FBXW8: variants seen among roughly 807,000 people sequenced by gnomAD.
FBXW8 encodes F-box/WD repeat-containing protein 8.
A neutral mutation model predicts 65.3 loss-of-function variants in FBXW8; 57 were observed. The ratio of observed to expected loss-of-function variants is 0.87; its 90% CI spans 0.71 to 1.09. The LOEUF (loss-of-function observed/expected upper bound fraction) is 1.09. FBXW8 is among the 50% of genes least tolerant of loss of function. The pLI is 0.00. For missense variants in FBXW8, 777 were observed against 814.8 expected, an observed-to-expected ratio of 0.95 and a Z score of 0.57; for synonymous variants, 308 against 330.2, an observed-to-expected ratio of 0.93 and a Z score of 0.73.
chr12:116,974,375 A>AAAAGACT (rs1277875673), intron 5 of FBXW8, among the ~76,000 whole-genome samples: 1 of 152,248 alleles, frequency 6.6e-6, no homozygotes, highest in Non-Finnish European at 1.5e-5. Flanking sequence ...CCCAAGAGTA[A>AAAAGACT]AAAGACCTCG....
Position 117,028,337 on chromosome 12 carries a change from GC to G in FBXW8, c.*166del. On this transcript the variant is annotated 3_prime_UTR_variant, in exon 11 of 11. Coordinates refer to ENST00000652555, the MANE Select transcript of FBXW8 (RefSeq NM_153348.3). The surrounding 1 kb of genome is among the most constrained non-coding windows in gnomAD (Gnocchi z 4.1). ...CTCCCTGACCCCTGCACTTCCCCCA[GC>G]GCCTGGGGCAAGCTGGCGTGTGCCA... 5 of 826,966 alleles carry G rather than the reference GC, an allele frequency of 6.0e-6. No homozygotes were observed. The highest frequency in any genetic ancestry group is 1.8e-5 in the South Asian group (1 of 55,136). 51.2% of individuals were successfully genotyped at this position (826,966 alleles called of 1,614,324 possible).
chr12:117,012,946 A>G (rs938521082), intron 8 of FBXW8, among the ~76,000 whole-genome samples: 2 of 152,028 alleles, frequency 1.3e-5, no homozygotes, highest in African/African-American at 2.4e-5. Context: ...AAGGAGTTTT[A>G]TTTTGGGGGT....
intron 6 of FBXW8, chr12:116,986,733 A>G (rs1885717369): frequency 1.3e-5 from 2 of 152,292 alleles, no homozygotes; most frequent in Non-Finnish European, 2.9e-5. Context: ...TGTAAAGTGC[A>G]AATCCTGCCT....
chr12:116,935,684 G>A (rs1253965935), intron 2 of FBXW8, among the ~76,000 whole-genome samples: 1 of 152,198 alleles, frequency 6.6e-6, no homozygotes, highest in East Asian at 1.9e-4. Context: ...AATGAACATT[G>A]AGCTAAGTGG....
intron 1 of FBXW8, among the ~76,000 whole-genome samples, chr12:116,927,741 C>G (rs1310031504): frequency 3.3e-5 from 5 of 152,148 alleles, no homozygotes; most frequent in Non-Finnish European, 7.4e-5. Context: ...AGATAGCACC[C>G]CTGCTGCTTT....
chr12:116,986,868 A>C (rs778995360), intron 6 of FBXW8: 2 of 152,212 alleles, frequency 1.3e-5, no homozygotes, highest in African/African-American at 2.4e-5. Flanking sequence ...CACGGAGATA[A>C]AGTTAAAGGG....
At chr12:116,973,681 A>G (rs1031835822) in intron 5 of FBXW8, among the ~76,000 whole-genome samples, 5 of 152,214 alleles carry the variant, frequency 3.3e-5, no homozygotes, top group African/African-American at 1.2e-4. Flanking sequence ...CATGAAACTC[A>G]GGGAAGGTCT....
Position 116,911,072 on chromosome 12 carries a change from G to T in FBXW8, c.35G>T (p.Arg12Leu), listed in dbSNP as rs1200370180. 6.9e-7 allele frequency: 1 copy of T among 1,453,528 alleles called. No individual in the cohort carries two copies. Among genetic ancestry groups the T allele is most frequent in the Admixed American group, 2.7e-5 (1 of 36,478 alleles). The allele number at this position is 1,453,528 out of a possible 1,614,324, so 90.0% of individuals were successfully genotyped here. A position where few individuals can be genotyped will look rare whatever the true frequency, so the allele number is the denominator to read the frequency against. Residue 12 changes from arginine (R) to leucine (L), a missense_variant, in exon 1 of 11, where the codon CGC becomes CTC. Arg to Leu is a moderately radical substitution (Grantham distance 102). Coordinates refer to ENST00000652555, the MANE Select transcript of FBXW8 (RefSeq NM_153348.3). ...DDYSLDEFRR[R>L]WQEELAQAQA... is the part of the protein sequence containing the mutation. ...TACAGCCTGGATGAGTTCCGTCGGCGCTGGCAGGAGGAGCTGGCGCAGGCC... is the reference window on the plus strand; with the variant it reads ...TACAGCCTGGATGAGTTCCGTCGGCTCTGGCAGGAGGAGCTGGCGCAGGCC...
At chr12:117,007,016 G>A (rs1468469998) in intron 7 of FBXW8, among the ~76,000 whole-genome samples, 1 of 152,180 alleles carries the variant, frequency 6.6e-6, no homozygotes, top group Non-Finnish European at 1.5e-5. Flanking sequence ...AGGCAGATGT[G>A]CAGAAGAAAA....
chr12:116,983,355 C>CT (rs1885450039), intron 5 of FBXW8, among the ~76,000 whole-genome samples: 1 of 152,152 alleles, frequency 6.6e-6, no homozygotes, highest in Non-Finnish European at 1.5e-5. Flanking sequence ...GCTGTGGAAC[C>CT]TTTTGTGATC....
At chr12:116,911,883 A>C (rs2137276544) in intron 1 of FBXW8, among the ~76,000 whole-genome samples, 1 of 152,292 alleles carries the variant, frequency 6.6e-6, no homozygotes, top group Admixed American at 6.5e-5. Context: ...ATTATCTCAG[A>C]AAAAAAGGAA....
At chr12:116,945,636 G>T (rs1296229350) in intron 3 of FBXW8, 108 bp downstream of exon 3, 1 of 1,074,272 alleles carries the variant, frequency 9.3e-7, no homozygotes, top group African/African-American at 1.5e-5. Context: ...GAAGGGAGAG[G>T]GGTACACTGA....
intron 6 of FBXW8, chr12:116,987,282 CG>C (rs1885766945): frequency 6.6e-6 from 1 of 152,340 alleles, no homozygotes. Context: ...GTCAGGGCAG[CG>C]CTGTCCTTTC....
chr12:116,963,477 G>A (rs537081407), intron 4 of FBXW8, among the ~76,000 whole-genome samples: 8 of 152,252 alleles, frequency 5.3e-5, no homozygotes, highest in South Asian at 2.1e-4. Context: ...GGTGGTGCAC[G>A]CCTATAATCC....
At chr12:116,918,841 G>T (rs974989487) in intron 1 of FBXW8, among the ~76,000 whole-genome samples, 2 of 152,174 alleles carry the variant, frequency 1.3e-5, no homozygotes, top group African/African-American at 4.8e-5. Flanking sequence ...ATCCATTTTA[G>T]GTGGGTGTGT....
intron 1 of FBXW8, among the ~76,000 whole-genome samples, chr12:116,916,933 G>A (rs1880473847): frequency 6.8e-6 from 1 of 147,904 alleles, no homozygotes; most frequent in Admixed American, 6.8e-5. Flanking sequence ...AGAGAAAGAG[G>A]TGTGTATCTG....
intron 5 of FBXW8, among the ~76,000 whole-genome samples, chr12:116,972,802 CATGTATGTCGT>C (rs1884714370): frequency 6.6e-6 from 1 of 152,144 alleles, no homozygotes; most frequent in African/African-American, 2.4e-5. Flanking sequence ...CAGAGATGTA[CATGTATGTCGT>C]ATGTATATAT....
chr12:117,005,751 A>G (rs1953659084), intron 7 of FBXW8, among the ~76,000 whole-genome samples: 1 of 152,258 alleles, frequency 6.6e-6, no homozygotes, highest in African/African-American at 2.4e-5. Flanking sequence ...AGAAGAGAGC[A>G]GGCGGTTTAA....
chr12:116,968,802 G>A (rs1220301592), intron 5 of FBXW8, among the ~76,000 whole-genome samples: 1 of 151,936 alleles, frequency 6.6e-6, no homozygotes, highest in African/African-American at 2.4e-5. Context: ...TTCTCTTAAT[G>A]TGAGAAAGGT....
Sources: gnomAD v4.1 joint callset for allele counts (sites outside exome capture counted in the v4.1 genomes callset) on GRCh38, gnomAD v4.1.1 for gene constraint, Gnocchi (gnomAD v3.1) non-coding constraint, MANE v1.5 for transcripts, NCBI Gene and HGNC (gene_info 2026-07-23, HGNC 2026-07-21) for gene names.